The following TBL1XR1 variants were observed in gnomAD, a reference collection of about 807,000 sequenced individuals.
TBL1XR1 encodes the protein F-box-like/WD repeat-containing protein TBL1XR1.
TBL1XR1 carries 5 observed loss-of-function variants against 66.9 expected under a neutral mutation model. The ratio of observed to expected loss-of-function variants is 0.07; its 90% CI spans 0.04 to 0.16. TBL1XR1 has a LOEUF of 0.16. Ranked by LOEUF, TBL1XR1 falls within the 10% of genes least tolerant of loss-of-function variation. TBL1XR1 has a pLI of 1.00. For missense variants in TBL1XR1, 238 were observed against 623.2 expected (o/e 0.38, Z 6.58); for synonymous variants, 210 against 206.0 (o/e 1.02, Z -0.17).
In TBL1XR1 at chr3:177,046,218, C is replaced by T. The variant is rs1449438273; in HGVS notation, c.865-29G>A. 5 of 1,509,850 alleles carry T rather than the reference C, an allele frequency of 3.3e-6. No individual in the cohort carries two copies. The African/African-American group carries it at 4.2e-5, about 13-fold the overall frequency. The allele number at this position is 1,509,850 out of a possible 1,614,324, so 93.5% of individuals were successfully genotyped here. ...AGATTAAAAGGAAAAGAAAAATAAA[C>T]TCATGGAAAGAAGTTTAACATACAT... is the stretch of plus-strand genomic sequence containing the variant. On this transcript the variant is annotated intron_variant, in intron 9 of 15. Transcript: ENST00000457928.
intron 2 of TBL1XR1, among the ~76,000 whole-genome samples, chr3:177,075,844 T>C (rs746350915): frequency 2.6e-5 from 4 of 152,146 alleles, no homozygotes; most frequent in Non-Finnish European, 5.9e-5. Flanking sequence ...TATTGTCTTA[T>C]AGAAGTCCAA....
chr3:177,183,599 C>A (rs1735075237), intron 1 of TBL1XR1, among the ~76,000 whole-genome samples: 1 of 151,658 alleles, frequency 6.6e-6, no homozygotes, highest in Non-Finnish European at 1.5e-5. Flanking sequence ...CAACCTCCGC[C>A]TCCCGGGTTC....
intron 14 of TBL1XR1, among the ~76,000 whole-genome samples, chr3:177,028,090 T>C (rs1713415386): frequency 6.6e-6 from 1 of 152,140 alleles, no homozygotes. Flanking sequence ...AGCTAAGACA[T>C]TTAAAAAGGC....
chr3:177,194,538 A>G (rs1736577498), intron 1 of TBL1XR1, among the ~76,000 whole-genome samples: 1 of 152,194 alleles, frequency 6.6e-6, no homozygotes, highest in Non-Finnish European at 1.5e-5. Context: ...AATTCTTTAT[A>G]ATAGTACTGC....
intron 10 of TBL1XR1, among the ~76,000 whole-genome samples, chr3:177,039,879 G>A (rs1452932035): frequency 6.6e-6 from 1 of 152,176 alleles, no homozygotes; most frequent in East Asian, 1.9e-4. Context: ...GCATGAAGTT[G>A]CATATTACCT....
intron 2 of TBL1XR1, among the ~76,000 whole-genome samples, chr3:177,069,869 A>T (rs550850468): frequency 6.8e-6 from 1 of 147,384 alleles, no homozygotes; most frequent in Non-Finnish European, 1.5e-5. Context: ...CAACACACCA[A>T]ATCAATTATT....
intron 12 of TBL1XR1, among the ~76,000 whole-genome samples, chr3:177,035,616 G>A (rs1207902075): frequency 6.6e-6 from 1 of 152,074 alleles, no homozygotes; most frequent in Admixed American, 6.5e-5. Flanking sequence ...GTTTCACCAT[G>A]TTGACCAGCC....
chr3:177,099,198 C>G (rs1385437225), intron 1 of TBL1XR1, among the ~76,000 whole-genome samples: 3 of 152,094 alleles, frequency 2.0e-5, no homozygotes, highest in Non-Finnish European at 1.5e-5. Flanking sequence ...GACACCCTGT[C>G]TCTACTAAAA....
intron 1 of TBL1XR1, among the ~76,000 whole-genome samples, chr3:177,144,830 A>G (rs1351514662): frequency 6.6e-6 from 1 of 152,188 alleles, no homozygotes; most frequent in African/African-American, 2.4e-5. Context: ...TTTCAATAAA[A>G]CTTTACACAT....
chr3:177,063,255 T>C (rs368669542), intron 3 of TBL1XR1, among the ~76,000 whole-genome samples: 2 of 152,248 alleles, frequency 1.3e-5, no homozygotes, highest in Non-Finnish European at 2.9e-5. Context: ...TGTGGACTTT[T>C]GTTTAGAAAA....
At chr3:177,113,871 G>A (rs928118004) in intron 1 of TBL1XR1, among the ~76,000 whole-genome samples, 7 of 152,080 alleles carry the variant, frequency 4.6e-5, no homozygotes, top group Non-Finnish European at 1.0e-4. Flanking sequence ...AAGTGCTGCT[G>A]AGAATATGGA....
At chr3:177,085,708 G>A (rs886915898) in intron 2 of TBL1XR1, among the ~76,000 whole-genome samples, 1 of 152,074 alleles carries the variant, frequency 6.6e-6, no homozygotes, top group Non-Finnish European at 1.5e-5. Flanking sequence ...ACATATAGAT[G>A]ACAATAAAAT....
chr3:177,136,584 T>C (rs1212119298), intron 1 of TBL1XR1, among the ~76,000 whole-genome samples: 2 of 152,226 alleles, frequency 1.3e-5, no homozygotes, highest in African/African-American at 2.4e-5. Flanking sequence ...CTGGCCATCC[T>C]CTCAATTTTT....
chr3:177,107,613 C>T (rs530019194), intron 1 of TBL1XR1, among the ~76,000 whole-genome samples: 5 of 152,204 alleles, frequency 3.3e-5, no homozygotes, highest in Admixed American at 2.6e-4. Flanking sequence ...ATGATACATT[C>T]GAACCAGCAA....
intron 1 of TBL1XR1, among the ~76,000 whole-genome samples, chr3:177,114,992 AT>A (rs144640514): frequency 0.051 from 7,780 of 151,510 alleles, 271 homozygotes; most frequent in Admixed American, 0.088. Flanking sequence ...GGGGAAAAAA[AT>A]AATAATAATA....
intron 1 of TBL1XR1, among the ~76,000 whole-genome samples, chr3:177,135,307 C>CTGTGAGTG (rs1553852681): frequency 1.4e-5 from 1 of 72,596 alleles, no homozygotes; most frequent in Non-Finnish European, 2.7e-5. Flanking sequence ...AGGCCGCACT[C>CTGTGAGTG]TGTGTGTGTG....
At chr3:177,143,144 G>T (rs1282233856) in intron 1 of TBL1XR1, among the ~76,000 whole-genome samples, 1 of 151,672 alleles carries the variant, frequency 6.6e-6, no homozygotes, top group African/African-American at 2.4e-5. Context: ...GAGTTTTAGT[G>T]CTGTTGACTC....
intron 1 of TBL1XR1, among the ~76,000 whole-genome samples, chr3:177,154,240 T>A (rs1560236201): frequency 6.6e-6 from 1 of 152,160 alleles, no homozygotes; most frequent in Non-Finnish European, 1.5e-5. Context: ...AAGTATAATC[T>A]GATTATTAAT....
chr3:177,182,340 G>A (rs922310173), intron 1 of TBL1XR1, among the ~76,000 whole-genome samples: 5 of 152,104 alleles, frequency 3.3e-5, no homozygotes, highest in Admixed American at 1.3e-4. Context: ...AGCCATGACC[G>A]TGCCACTGCC....
Sources: gnomAD v4.1 joint callset for allele counts (sites outside exome capture counted in the v4.1 genomes callset) on GRCh38, gnomAD v4.1.1 for gene constraint, MANE v1.5 for transcripts, NCBI Gene and HGNC (gene_info 2026-07-23, HGNC 2026-07-21) for gene names.